The following CDH4 variants were observed in gnomAD, a reference collection of about 807,000 sequenced individuals.
CDH4 encodes the protein cadherin 4.
In CDH4, 33 loss-of-function variants were observed where a neutral mutation model predicts 86.0. That is an observed-to-expected ratio of 0.38 (90% CI 0.29 to 0.51). The LOEUF (loss-of-function observed/expected upper bound fraction) is 0.51. Ranked by LOEUF, CDH4 falls within the 20% of genes least tolerant of loss-of-function variation. CDH4 has a pLI of 0.86. For synonymous variants in CDH4, 555 were observed against 549.4 expected (o/e 1.01, Z -0.14); for missense variants, 1,114 against 1,307.4 (o/e 0.85, Z 2.28).
At position 61,829,359 on chromosome 20, in the gene CDH4, A is replaced by T. The variant is rs1412280903; in HGVS notation, c.577-15309A>T. ...AACCTAGTTCCTTTCAGGGCCAAAT[A>T]ACATTTCACTGTGTGGGTGGACCAC... On this transcript the variant is annotated intron_variant, in intron 4 of 15. Coordinates refer to ENST00000614565, the MANE Select transcript of CDH4 (RefSeq NM_001794.5). This position sits in a 1 kb window ranked among gnomAD's most constrained non-coding sequence, Gnocchi z 4.2. 6.6e-6 allele frequency among the ~76,000 whole-genome samples: 1 copy of T among 152,202 alleles called. No individual in the cohort carries two copies. The highest frequency in any genetic ancestry group is 1.5e-5 in the Non-Finnish European group (1 of 68,032).
In CDH4 at chr20:61,565,284, G is replaced by GT. The variant is rs1343566629; in HGVS notation, c.170-178279_170-178278insT. The stretch of plus-strand genomic sequence containing the variant: ...GGTGGTGGTGGTCCTCTTGGTGATG[G>GT]GGTGATGGTGGTGGCGGTGCTCTTG... On this transcript the variant is annotated intron_variant, in intron 2 of 15. Coordinates refer to ENST00000614565, the MANE Select transcript of CDH4 (RefSeq NM_001794.5). 1.7e-4 allele frequency among the ~76,000 whole-genome samples: 17 copies of GT among 97,774 alleles called. 4 individuals are homozygous for GT. The highest frequency in any genetic ancestry group is 4.1e-4 in the Admixed American group (4 of 9,862). The allele number at this position is 97,774 out of a possible 152,430, so 64.1% of individuals were successfully genotyped here. A position where few individuals can be genotyped will look rare whatever the true frequency, so the allele number is the denominator to read the frequency against.
rs2145858271 is a variant in CDH4, at chr20:61,681,206, A to G, written c.170-62357A>G. 6.6e-6 allele frequency among the ~76,000 whole-genome samples: 1 copy of G among 152,304 alleles called. No homozygotes were observed. On this transcript the variant is annotated intron_variant, in intron 2 of 15. Transcript: ENST00000614565. This position sits in a 1 kb window ranked among gnomAD's most constrained non-coding sequence, Gnocchi z 4.5. ...ATGGCTTTTTTTCTCTTTCAGCCAC[A>G]CACAGTCAAATTTGAGGCATAATTT...
chr20:61,900,367 C>CATTA (rs1568875949), intron 8 of CDH4, among the ~76,000 whole-genome samples: 1 of 151,500 alleles, frequency 6.6e-6, no homozygotes, highest in Non-Finnish European at 1.5e-5. Context: ...GGCCATAAAT[C>CATTA]ATTAATTGGA....
chr20:61,444,439 GTTTC>G (rs1242596926), intron 2 of CDH4, among the ~76,000 whole-genome samples: 2 of 151,520 alleles, frequency 1.3e-5, no homozygotes, highest in Admixed American at 6.6e-5. Flanking sequence ...GTGTGTGTGG[GTTTC>G]TTTGTGTGTG....
intron 2 of CDH4, among the ~76,000 whole-genome samples, chr20:61,722,194 GT>G (rs11481089): frequency 1.3e-5 from 2 of 152,002 alleles, no homozygotes; most frequent in African/African-American, 2.4e-5. Flanking sequence ...CTGCTTTGGG[GT>G]TTTTTTTCTT....
chr20:61,754,315 C>A lies in CDH4; in HGVS notation c.396+10526C>A, dbSNP rs1488349731. On this transcript the variant is annotated intron_variant, in intron 3 of 15. Transcript: ENST00000614565. This position sits in a 1 kb window ranked among gnomAD's most constrained non-coding sequence, Gnocchi z 4.7. ...ACAGACCCCAAGGCATCCCCGAAGG[C>A]AGGGAGGAGTGTCCCCAGCCAGGGG... is the stretch of plus-strand genomic sequence containing the variant. 6.6e-6 allele frequency among the ~76,000 whole-genome samples: 1 copy of A among 152,162 alleles called. No individual in the cohort carries two copies. The highest frequency in any genetic ancestry group is 2.4e-5 in the African/African-American group (1 of 41,428).
rs1052838188 is a variant in CDH4 at position 61,387,439 on chromosome 20, CAG to C, written c.169+132506_169+132507del. On this transcript the variant is annotated intron_variant, in intron 2 of 15. Coordinates refer to ENST00000614565, the MANE Select transcript of CDH4 (RefSeq NM_001794.5). ...ACACAGAGACACACAGCCACACAAACAGAGAAACACACAGCCACACAAATATA... is the reference window on the plus strand; with the variant it reads ...ACACAGAGACACACAGCCACACAAACAGAAACACACAGCCACACAAATATA... Among the ~76,000 whole-genome samples, 31 of 151,358 alleles carry C rather than the reference CAG, an allele frequency of 2.0e-4. No individual in the cohort carries two copies. The East Asian group carries it at 2.3e-3, about 11-fold the overall frequency.
chr20:61,853,484 C>G (rs1179087190), intron 6 of CDH4, among the ~76,000 whole-genome samples: 1 of 152,136 alleles, frequency 6.6e-6, no homozygotes, highest in African/African-American at 2.4e-5. Flanking sequence ...GACCCAAGAG[C>G]CTGTCCCCCG....
At chr20:61,641,211 C>G (rs2087005075) in intron 2 of CDH4, among the ~76,000 whole-genome samples, 1 of 152,184 alleles carries the variant, frequency 6.6e-6, no homozygotes, top group African/African-American at 2.4e-5. Flanking sequence ...CTCGATGTAG[C>G]TATGTGCCAG....
In CDH4 at chr20:61,382,068, C is replaced by T. The variant is rs1322614643; in HGVS notation, c.169+127131C>T. Among the ~76,000 whole-genome samples, 10 of 146,892 alleles carry T rather than the reference C, an allele frequency of 6.8e-5. No homozygotes were observed. In the Admixed American group the frequency reaches 6.9e-4, roughly 10 times the overall value. ...TCCAGCCTGGAAAACAAGAAAAAAACTCCATCTCAAAAATAAAAATAAAAA... is the reference window on the plus strand; with the variant it reads ...TCCAGCCTGGAAAACAAGAAAAAAATTCCATCTCAAAAATAAAAATAAAAA... On this transcript the variant is annotated intron_variant, in intron 2 of 15. Coordinates refer to ENST00000614565, the MANE Select transcript of CDH4 (RefSeq NM_001794.5).
intron 2 of CDH4, among the ~76,000 whole-genome samples, chr20:61,640,899 C>G (rs952074602): frequency 1.3e-5 from 2 of 152,196 alleles, no homozygotes; most frequent in Non-Finnish European, 2.9e-5. Flanking sequence ...ACTGCGAGTT[C>G]CAGCTCTGAG....
At position 61,777,631 on chromosome 20, in the gene CDH4, AAC is replaced by A. The variant is rs1275344045; in HGVS notation, c.576+4454_576+4455del. On this transcript the variant is annotated intron_variant, in intron 4 of 15. Transcript: ENST00000614565. ...ACATGCGCACACACGTGCATACAAA[AAC>A]ACACGTCTACACACGCACACACGTG... Among the ~76,000 whole-genome samples the A allele has an allele frequency of 3.8e-4, 58 of 151,226 alleles. 8 individuals carry two copies. The highest frequency in any genetic ancestry group is 3.0e-5 in the Non-Finnish European group (2 of 67,780).
chr20:61,476,267 G>C (rs2145574129), intron 2 of CDH4, among the ~76,000 whole-genome samples: 1 of 152,302 alleles, frequency 6.6e-6, no homozygotes, highest in East Asian at 1.9e-4. Context: ...TAAGCCCCTG[G>C]AAAGTGAGGA....
intron 2 of CDH4, among the ~76,000 whole-genome samples, chr20:61,484,440 C>T (rs75732630): frequency 0.044 from 6,710 of 152,278 alleles, 504 homozygotes; most frequent in African/African-American, 0.15. Flanking sequence ...CGAGCTGCAT[C>T]GCTGTTTCTC....
At chr20:61,477,621 C>CA (rs2085546135) in intron 2 of CDH4, among the ~76,000 whole-genome samples, 1 of 152,230 alleles carries the variant, frequency 6.6e-6, no homozygotes, top group African/African-American at 2.4e-5. Context: ...GGCGCCTCTG[C>CA]ATCCTGCGGT....
Position 61,392,551 on chromosome 20 carries a change from G to T in CDH4, c.169+137614G>T, listed in dbSNP as rs1480400735. ...TGTCATGGCCTTGAGTATTTATTGA[G>T]TAGTTTCAAAAGTTCATTAAACTCA... On this transcript the variant is annotated intron_variant, in intron 2 of 15. Coordinates refer to ENST00000614565, the MANE Select transcript of CDH4 (RefSeq NM_001794.5). The surrounding 1 kb of genome is among the most constrained non-coding windows in gnomAD (Gnocchi z 5.7). 6.6e-6 allele frequency among the ~76,000 whole-genome samples: 1 copy of T among 152,160 alleles called. No homozygotes were observed. Among genetic ancestry groups the T allele is most frequent in the Non-Finnish European group, 1.5e-5 (1 of 68,036 alleles).
intron 4 of CDH4, among the ~76,000 whole-genome samples, chr20:61,831,174 A>T (rs1981589210): frequency 6.6e-6 from 1 of 152,190 alleles, no homozygotes; most frequent in African/African-American, 2.4e-5. Flanking sequence ...AGGCGGCCAA[A>T]GCTTCCTTCC....
At chr20:61,859,084 C>G (rs890762342) in intron 6 of CDH4, among the ~76,000 whole-genome samples, 3 of 152,018 alleles carry the variant, frequency 2.0e-5, no homozygotes, top group African/African-American at 7.2e-5. Context: ...GTTGTCATCA[C>G]TTTCAACGTT....
chr20:61,766,373 T>G (rs1294881176), intron 3 of CDH4, among the ~76,000 whole-genome samples: 1 of 152,028 alleles, frequency 6.6e-6, no homozygotes, highest in East Asian at 1.9e-4. Context: ...AGGCCCCCCT[T>G]GGCCCAGCCT....
Sources: gnomAD v4.1 joint callset for allele counts (sites outside exome capture counted in the v4.1 genomes callset) on GRCh38, gnomAD v4.1.1 for gene constraint, Gnocchi (gnomAD v3.1) non-coding constraint, MANE v1.5 for transcripts, NCBI Gene and HGNC (gene_info 2026-07-23, HGNC 2026-07-21) for gene names.